The following TUBB3 variants were observed in gnomAD, a reference collection of about 807,000 sequenced individuals.
The protein encoded by TUBB3 is tubulin beta-3 chain.
In TUBB3, 17 loss-of-function variants were observed where a neutral mutation model predicts 37.8. The observed-to-expected ratio is 0.45, with a 90% CI of 0.31 to 0.67. The LOEUF (loss-of-function observed/expected upper bound fraction) is 0.67, where lower values mean the gene tolerates loss of function less well. TUBB3 is among the 30% of genes least tolerant of loss of function. The probability of loss-of-function intolerance (pLI) is 0.07; values close to 1 mark genes in which losing one functional copy is unlikely to be tolerated. For missense variants in TUBB3, 262 were observed against 657.9 expected (o/e 0.40, Z 6.58); for synonymous variants, 332 against 278.9 (o/e 1.19, Z -1.90).
At chr16:89,923,961 C>T (rs1411757333) in intron 1 of TUBB3, among the ~76,000 whole-genome samples, 1 of 152,094 alleles carries the variant, frequency 6.6e-6, no homozygotes, top group Non-Finnish European at 1.5e-5. Context: ...CCAGCCTGCT[C>T]CGACACCCCT....
At chr16:89,933,369 T>A in intron 2 of TUBB3, 99 bp from the exon 3 acceptor site, 4 of 995,560 alleles carry the variant, frequency 4.0e-6, no homozygotes. Flanking sequence ...TCTTAGGATG[T>A]GAGCAGGAGG....
intron 1 of TUBB3, among the ~76,000 whole-genome samples, chr16:89,924,977 T>C (rs1213063474): frequency 2.3e-5 from 3 of 128,704 alleles, no homozygotes; most frequent in African/African-American, 9.7e-5. Context: ...CTGGGGCTCC[T>C]GGGAGGGTCA....
At chr16:89,928,629 A>G (rs920801926) in intron 1 of TUBB3, among the ~76,000 whole-genome samples, 5 of 151,042 alleles carry the variant, frequency 3.3e-5, no homozygotes, top group Non-Finnish European at 7.4e-5. Context: ...GGTTCACGCC[A>G]TTCTCCTGAG....
chr16:89,933,030 G>A (rs905206510), intron 2 of TUBB3: 1 of 476,746 alleles, frequency 2.1e-6, no homozygotes, highest in East Asian at 4.3e-5. Context: ...TTAGCAACTG[G>A]TGTGAAGTGA....
At chr16:89,923,497 CG>C (rs1567760400) in intron 1 of TUBB3, 39 bp downstream of exon 1, 1 of 1,402,524 alleles carries the variant, frequency 7.1e-7, no homozygotes. Flanking sequence ...GGCCCCGGGG[CG>C]GGAGGAGGGA....
intron 1 of TUBB3, among the ~76,000 whole-genome samples, chr16:89,927,411 ATTAC>A (rs1345095046): frequency 1.1e-4 from 17 of 152,096 alleles, no homozygotes; most frequent in African/African-American, 3.9e-4. Context: ...AATATATTTT[ATTAC>A]TTTATCTCAA....
In TUBB3 at chr16:89,934,832, C is replaced by T. The variant is rs145375049; in HGVS notation, c.381C>T (p.Cys127=). Residue 127 remains cysteine, a synonymous_variant, in exon 4 of 4, where the codon TGC becomes TGT. Transcript: ENST00000315491. ...TGGTGCGGAAGGAGTGTGAAAACTG[C>T]GACTGCCTGCAGGGCTTCCAGCTGA... The part of the protein sequence containing the change: ...LDVVRKECEN[C]DCLQGFQLTH... 158 of 1,614,018 alleles carry T rather than the reference C, an allele frequency of 9.8e-5. No individual in the cohort carries two copies. Among genetic ancestry groups the T allele is most frequent in the African/African-American group, 1.5e-4 (11 of 74,900 alleles).
chr16:89,933,003 G>A (rs1487679940), intron 2 of TUBB3: 1 of 496,668 alleles, frequency 2.0e-6, no homozygotes. Flanking sequence ...CACCTGGAGG[G>A]CTTAGTCAGG....
intron 1 of TUBB3, among the ~76,000 whole-genome samples, chr16:89,925,452 C>G (rs539386936): frequency 4.6e-5 from 7 of 151,220 alleles, no homozygotes; most frequent in African/African-American, 1.7e-4. Context: ...AAAAATTAGC[C>G]TGGCGTGGTG....
chr16:89,922,794 C>T (rs1043947987), upstream of TUBB3: 1 of 152,258 alleles, frequency 6.6e-6, no homozygotes, highest in Non-Finnish European at 1.5e-5. Context: ...GTGTTCGCGC[C>T]CTTCCGAGCT....
intron 1 of TUBB3, among the ~76,000 whole-genome samples, chr16:89,930,057 TTC>T (rs765429658): frequency 1.7e-4 from 22 of 125,970 alleles, no homozygotes; most frequent in South Asian, 5.6e-4. Flanking sequence ...CCTTCCTTCC[TTC>T]CTCTCTCTCT....
intron 1 of TUBB3, chr16:89,932,228 C>G (rs1040960038): frequency 2.6e-6 from 1 of 385,714 alleles, no homozygotes; most frequent in African/African-American, 2.1e-5. Context: ...AAAAACTAAC[C>G]CTCAAGGTGT....
rs2151092771 is a variant in TUBB3 at position 89,934,887 on chromosome 16, G to A, written c.436G>A (p.Gly146Ser). The change falls in exon 4 of 4, where the codon GGC becomes AGC. Residue 146 changes from glycine (G) to serine (S), a missense_variant. Transcript: ENST00000315491. ...CTCGCTGGGGGGCGGCACGGGCTCCGGCATGGGCACGTTGCTCATCAGCAA... is the reference window on the plus strand; with the variant it reads ...CTCGCTGGGGGGCGGCACGGGCTCCAGCATGGGCACGTTGCTCATCAGCAA... ...THSLGGGTGS[G>S]MGTLLISKVR... 1.2e-6 allele frequency: 2 copies of A among 1,614,100 alleles called. No homozygotes were observed. Among genetic ancestry groups the A allele is most frequent in the Non-Finnish European group, 8.5e-7 (1 of 1,179,994 alleles).
rs1346004818 is a variant in TUBB3 at position 89,935,162 on chromosome 16, C to T, written c.711C>T (p.Thr237=). The T allele has an allele frequency of 6.2e-7, 1 of 1,614,014 alleles. No individual in the cohort carries two copies. The highest frequency in any genetic ancestry group is 1.1e-5 in the South Asian group (1 of 91,076). The change falls in exon 4 of 4, where the codon ACC becomes ACT. Residue 237 remains threonine, a synonymous_variant. Transcript: ENST00000315491. ...HLVSATMSGV[T]TSLRFPGQLN... is the part of the protein sequence containing the mutation. ...TATCGGCCACCATGAGCGGAGTCAC[C>T]ACCTCCTTGCGCTTCCCGGGCCAGC...
At chr16:89,933,620 A>G (rs2030347551) in intron 3 of TUBB3, 42 bp downstream of exon 3, 1 of 1,519,598 alleles carries the variant, frequency 6.6e-7, no homozygotes, top group South Asian at 1.1e-5. Flanking sequence ...AGACCCCATC[A>G]CAGGCAAGCC....
upstream of TUBB3, among the ~76,000 whole-genome samples, chr16:89,922,926 G>C (rs7186465): frequency 0.043 from 6,573 of 152,382 alleles, 506 homozygotes; most frequent in African/African-American, 0.15. Flanking sequence ...AGGGAGCTGG[G>C]ATGGTGCGGG....
intron 1 of TUBB3, among the ~76,000 whole-genome samples, chr16:89,929,821 C>A (rs1231898103): frequency 1.3e-5 from 2 of 152,212 alleles, no homozygotes; most frequent in Non-Finnish European, 1.5e-5. Flanking sequence ...CCGCCTCAGC[C>A]TCCCAAGCAG....
chr16:89,925,427 T>TA (rs36088141), intron 1 of TUBB3, among the ~76,000 whole-genome samples: 29,205 of 137,098 alleles, frequency 0.21, 3,327 homozygotes, highest in Non-Finnish European at 0.25. Context: ...CTCCGTTTCT[T>TA]AAAAAAAAAA....
intron 1 of TUBB3, among the ~76,000 whole-genome samples, chr16:89,926,735 T>C (rs2030100862): frequency 6.6e-6 from 1 of 151,368 alleles, no homozygotes; most frequent in Non-Finnish European, 1.5e-5. Flanking sequence ...TATTTTCTTT[T>C]AGATGGAGTT....
Sources: allele counts gnomAD v4.1 joint callset (sites outside exome capture counted in the v4.1 genomes callset), GRCh38; gene constraint gnomAD v4.1.1; transcripts MANE v1.5; gene names NCBI Gene and HGNC (gene_info 2026-07-23, HGNC 2026-07-21).